The following TTLL4 variants were observed in gnomAD, a reference collection of about 807,000 sequenced individuals.
The protein encoded by TTLL4 is tubulin tyrosine ligase like 4.
TTLL4 carries 85 observed loss-of-function variants against 122.7 expected under a neutral mutation model. That is an observed-to-expected ratio of 0.69 (90% CI 0.58 to 0.83). TTLL4 has a LOEUF of 0.83. Among genes scored for constraint, TTLL4 ranks in the 40% least tolerant of loss-of-function variants. The pLI, the probability that TTLL4 is intolerant of heterozygous loss-of-function variation, is 0.00. For missense variants in TTLL4, 1,363 were observed against 1,488.6 expected, an observed-to-expected ratio of 0.92 and a Z score of 1.39; for synonymous variants, 553 against 563.0, an observed-to-expected ratio of 0.98 and a Z score of 0.25.
Position 218,738,155 on chromosome 2 carries a change from A to T in TTLL4, c.479A>T (p.Asn160Ile). 1 of 1,614,102 alleles carries T rather than the reference A, an allele frequency of 6.2e-7. No individual in the cohort carries two copies. Among genetic ancestry groups the T allele is most frequent in the Non-Finnish European group, 8.5e-7 (1 of 1,180,024 alleles). ...AGCCTCCCTGTCAGTCTCACTGCCA[A>T]CAAGGCCACTTCTTCCATGGTCTTC... ...QKSLPVSLTA[N>I]KATSSMVFSM... Residue 160 changes from asparagine to isoleucine, a missense_variant, in exon 3 of 20, where the codon AAC becomes ATC. Transcript: ENST00000392102.
intron 14 of TTLL4, 44 bp downstream of exon 14, chr2:218,749,431 A>G (rs1269703199): frequency 3.1e-6 from 5 of 1,601,048 alleles, no homozygotes; most frequent in Non-Finnish European, 4.3e-6. Flanking sequence ...TCCTTCCATT[A>G]TTCTCACGCT....
At position 218,749,438 on chromosome 2, in the gene TTLL4, C is replaced by T. The variant is rs547134804; in HGVS notation, c.2735+51C>T. On this transcript the variant is annotated intron_variant, in intron 14 of 19. Coordinates refer to ENST00000392102, the MANE Select transcript of TTLL4 (RefSeq NM_014640.5). ...CCATAGAATCCTTCCATTATTCTCA[C>T]GCTCCCATTGCCACTCCAGTAAGTT... 2.2e-5 allele frequency: 36 copies of T among 1,600,034 alleles called. No individual in the cohort carries two copies. In the South Asian group the frequency reaches 2.8e-4, roughly 12 times the overall value.
At chr2:218,755,840 G>C (rs527555439), downstream of TTLL4, among the ~76,000 whole-genome samples, 91 of 152,266 alleles carry the variant, frequency 6.0e-4, 1 homozygote, top group African/African-American at 2.1e-3. Context: ...GAGGTGGGGT[G>C]GGGCCCTGGA....
Position 218,749,312 on chromosome 2 carries a change from A to G in TTLL4, c.2660A>G (p.His887Arg), listed in dbSNP as rs1242672711. The stretch of plus-strand genomic sequence containing the variant: ...TATGTGCGACGGCCCTATAGCTGCC[A>G]TGAACTCTTTGGTTTTGACATCATG... ...KMYVRRPYSC[H>R]ELFGFDIMLD... is the part of the protein sequence containing the mutation. The change falls in exon 14 of 20, where the codon CAT becomes CGT. Residue 887 changes from histidine to arginine, a missense_variant. His to Arg is a conservative substitution (Grantham distance 29). Coordinates refer to ENST00000392102, the MANE Select transcript of TTLL4 (RefSeq NM_014640.5). 5 of 1,614,030 alleles carry G rather than the reference A, an allele frequency of 3.1e-6. No homozygotes were observed. Among genetic ancestry groups the G allele is most frequent in the Non-Finnish European group, 4.2e-6 (5 of 1,180,034 alleles).
chr2:218,748,006 A>G (rs1255889670), intron 11 of TTLL4, 99 bp from the exon 12 acceptor site: 3 of 1,494,472 alleles, frequency 2.0e-6, no homozygotes, highest in Admixed American at 3.5e-5. Context: ...AGATCTGTGT[A>G]CTTGTTCTAC....
intron 1 of TTLL4, among the ~76,000 whole-genome samples, chr2:218,723,798 A>G (rs1942110708): frequency 6.6e-6 from 1 of 152,218 alleles, no homozygotes; most frequent in African/African-American, 2.4e-5. Flanking sequence ...AAAGAAAAAT[A>G]AAGGCTGAGG....
At position 218,747,341 on chromosome 2, in the gene TTLL4, C is replaced by T. The variant is rs1488997415; in HGVS notation, c.2218C>T (p.Leu740Phe). The change falls in exon 10 of 20, where the codon CTC becomes TTC. Residue 740 changes from leucine to phenylalanine, a missense_variant. By Grantham distance (22) the Leu-to-Phe change is conservative. Transcript: ENST00000392102. This position sits in a 1 kb window ranked among gnomAD's most constrained non-coding sequence, Gnocchi z 4.7. ...GIQVIHKWSQ[L>F]PKRRPLLVQR... Reference sequence around the variant, plus strand: ...CCAGGTTATTCACAAGTGGAGTCAGCTCCCCAAGCGAAGGCCCCTCCTGGT... The same window carrying T: ...CCAGGTTATTCACAAGTGGAGTCAGTTCCCCAAGCGAAGGCCCCTCCTGGT... 2 of 1,614,212 alleles carry T rather than the reference C, an allele frequency of 1.2e-6. No individual in the cohort carries two copies.
At chr2:218,757,392 C>A (rs1943172219), downstream of TTLL4, among the ~76,000 whole-genome samples, 1 of 152,210 alleles carries the variant, frequency 6.6e-6, no homozygotes, top group South Asian at 2.1e-4. Flanking sequence ...AAACACTTCA[C>A]AGTCAGAGCA....
intron 19 of TTLL4, 32 bp from the exon 20 acceptor site, chr2:218,754,102 C>T: frequency 6.2e-7 from 1 of 1,613,320 alleles, no homozygotes. Flanking sequence ...AACAGTGTCT[C>T]AGTCATTTCT....
rs761173842 is a variant in TTLL4, at chr2:218,752,996, A to G, written c.3187+23A>G. 1.9e-6 allele frequency: 3 copies of G among 1,614,204 alleles called. No individual in the cohort carries two copies. In the East Asian group the frequency reaches 6.7e-5, roughly 36 times the overall value. ...AAGGTGATGTGCCCTCCCTGCCCTC[A>G]GAAAGCCAAGTTTAGTGAGAGATTA... is the stretch of plus-strand genomic sequence containing the variant. On this transcript the variant is annotated intron_variant, in intron 17 of 19. Transcript: ENST00000392102.
downstream of TTLL4, among the ~76,000 whole-genome samples, chr2:218,756,082 A>C (rs555774430): frequency 7.9e-5 from 12 of 152,322 alleles, no homozygotes; most frequent in South Asian, 1.7e-3. Context: ...CGCTGGCTGC[A>C]GTATTCTAGT....
chr2:218,723,621 T>G (rs1942105792), intron 1 of TTLL4, among the ~76,000 whole-genome samples: 1 of 152,210 alleles, frequency 6.6e-6, no homozygotes. Flanking sequence ...TATCCTTAAG[T>G]GCATCATATC....
intron 1 of TTLL4, among the ~76,000 whole-genome samples, chr2:218,724,440 C>T (rs1013946673): frequency 9.9e-5 from 15 of 152,154 alleles, no homozygotes; most frequent in African/African-American, 3.6e-4. Context: ...CCCTACTCTT[C>T]CTGGCCTCTG....
intron 1 of TTLL4, among the ~76,000 whole-genome samples, chr2:218,726,233 T>C (rs1453226419): frequency 1.3e-5 from 2 of 152,202 alleles, no homozygotes; most frequent in African/African-American, 2.4e-5. Flanking sequence ...TTTCACTCTC[T>C]CACTTGGATA....
intron 2 of TTLL4, among the ~76,000 whole-genome samples, chr2:218,730,911 C>G (rs1942362367): frequency 2.0e-5 from 3 of 152,168 alleles, no homozygotes; most frequent in Non-Finnish European, 2.9e-5. Context: ...TGAGACCAGC[C>G]TGGGCAACAT....
chr2:218,724,447 T>A (rs1367226265), intron 1 of TTLL4, among the ~76,000 whole-genome samples: 1 of 152,158 alleles, frequency 6.6e-6, no homozygotes, highest in Admixed American at 6.6e-5. Context: ...CTTCCTGGCC[T>A]CTGTTAACCA....
At chr2:218,729,750 A>T (rs1478893477) in intron 2 of TTLL4, among the ~76,000 whole-genome samples, 1 of 93,088 alleles carries the variant, frequency 1.1e-5, no homozygotes, top group Non-Finnish European at 2.2e-5. Flanking sequence ...TCTCTTTTTA[A>T]AAAAAAAAAA....
At chr2:218,749,893 G>A (rs938774285) in intron 14 of TTLL4, 116 bp from the exon 15 acceptor site, 2 of 1,383,096 alleles carry the variant, frequency 1.4e-6, no homozygotes, top group Middle Eastern at 1.9e-4. Context: ...GGATGTTTGA[G>A]CAGCTTTCAT....
chr2:218,722,478 A>G (rs757098377), intron 1 of TTLL4, among the ~76,000 whole-genome samples: 3 of 152,140 alleles, frequency 2.0e-5, no homozygotes, highest in African/African-American at 7.2e-5. Flanking sequence ...GTAGGACAAT[A>G]TTAGATAGGA....
Sources: gnomAD v4.1 joint callset for allele counts (sites outside exome capture counted in the v4.1 genomes callset) on GRCh38, gnomAD v4.1.1 for gene constraint, Gnocchi (gnomAD v3.1) non-coding constraint, MANE v1.5 for transcripts, NCBI Gene and HGNC (gene_info 2026-07-23, HGNC 2026-07-21) for gene names.